The following PIK3R5 variants were observed in gnomAD, a reference collection of about 807,000 sequenced individuals.
The protein encoded by PIK3R5 is phosphoinositide-3-kinase regulatory subunit 5, also known as phosphoinositide 3-kinase regulatory subunit 5.
A neutral mutation model predicts 94.9 loss-of-function variants in PIK3R5; 32 were observed. The ratio of observed to expected loss-of-function variants is 0.34; its 90% CI spans 0.25 to 0.45. The LOEUF (loss-of-function observed/expected upper bound fraction) is 0.45. PIK3R5 is among the 20% of genes least tolerant of loss of function. PIK3R5 has a pLI of 1.00. For synonymous variants in PIK3R5, 443 were observed against 479.4 expected, an observed-to-expected ratio of 0.92 and a Z score of 0.99; for missense variants, 853 against 1,144.6, an observed-to-expected ratio of 0.75 and a Z score of 3.68.
chr17:8,895,960 C>T (rs2090143744), intron 5 of PIK3R5, among the ~76,000 whole-genome samples: 1 of 152,160 alleles, frequency 6.6e-6, no homozygotes, highest in Non-Finnish European at 1.5e-5. Flanking sequence ...TCCTTGGCCT[C>T]TCTTGGTAAT....
chr17:8,952,120 G>A (rs144173954), intron 1 of PIK3R5, among the ~76,000 whole-genome samples: 188 of 152,328 alleles, frequency 1.2e-3, no homozygotes, highest in African/African-American at 4.4e-3. Context: ...GACACAAAAG[G>A]AACCTTGGTT....
At chr17:8,897,726 C>A (rs61759639) in intron 5 of PIK3R5, among the ~76,000 whole-genome samples, 8 of 152,038 alleles carry the variant, frequency 5.3e-5, no homozygotes, top group Non-Finnish European at 1.0e-4. Context: ...AGGTGCAACC[C>A]CCCTCACCTC....
At chr17:8,902,138 G>T (rs2151392902) in intron 5 of PIK3R5, among the ~76,000 whole-genome samples, 2 of 146,090 alleles carry the variant, frequency 1.4e-5, no homozygotes, top group African/African-American at 2.6e-5. Context: ...TGAATATTTT[G>T]GGGGGTTCTT....
At chr17:8,926,114 A>C (rs1168443225) in intron 1 of PIK3R5, among the ~76,000 whole-genome samples, 1 of 152,230 alleles carries the variant, frequency 6.6e-6, no homozygotes, top group Non-Finnish European at 1.5e-5. Context: ...GACAGGATCC[A>C]AAACAAGCAT....
chr17:8,924,160 C>A (rs1293859177), intron 1 of PIK3R5, among the ~76,000 whole-genome samples: 1 of 150,112 alleles, frequency 6.7e-6, no homozygotes, highest in Non-Finnish European at 1.5e-5. Flanking sequence ...CTCACTGCAG[C>A]CTTGACCTCC....
Position 8,911,540 on chromosome 17 carries a change from G to T in PIK3R5, c.-13-33C>A, listed in dbSNP as rs781625910. 4 of 1,441,442 alleles carry T rather than the reference G, an allele frequency of 2.8e-6. No individual in the cohort carries two copies. The highest frequency in any genetic ancestry group is 1.4e-5 in the African/African-American group (1 of 71,962). 89.3% of individuals were successfully genotyped at this position (1,441,442 alleles called of 1,614,324 possible). ...GGGGACAGACGCCGGTCAGCTTGTC[G>T]AGCTCCTTTCCCAGAGAGCACCTGG... On this transcript the variant is annotated intron_variant, in intron 1 of 18. Coordinates refer to ENST00000447110, the MANE Select transcript of PIK3R5 (RefSeq NM_001142633.3). This position sits in a 1 kb window ranked among gnomAD's most constrained non-coding sequence, Gnocchi z 5.3.
chr17:8,888,987 C>G lies in PIK3R5; in HGVS notation c.896-96G>C. 3 of 1,529,000 alleles carry G rather than the reference C, an allele frequency of 2.0e-6. No individual in the cohort carries two copies. Among genetic ancestry groups the G allele is most frequent in the Non-Finnish European group, 2.6e-6 (3 of 1,140,718 alleles). 94.7% of individuals were successfully genotyped at this position (1,529,000 alleles called of 1,614,324 possible). A position where few individuals can be genotyped will look rare whatever the true frequency, so the allele number is the denominator to read the frequency against. On this transcript the variant is annotated intron_variant, in intron 9 of 18. Coordinates refer to ENST00000447110, the MANE Select transcript of PIK3R5 (RefSeq NM_001142633.3). This position sits in a 1 kb window ranked among gnomAD's most constrained non-coding sequence, Gnocchi z 7.8. ...GGGAGACAGCAGGACTCAGGGCCAG[C>G]CCAGGACTCCTAGCACTGCCCCCTT...
At position 8,880,575 on chromosome 17, in the gene PIK3R5, G is replaced by A. The variant is rs1164183843; in HGVS notation, c.*64C>T. On this transcript the variant is annotated 3_prime_UTR_variant, in exon 19 of 19. Coordinates refer to ENST00000447110, the MANE Select transcript of PIK3R5 (RefSeq NM_001142633.3). Reference sequence around the variant, plus strand: ...ATTCAGTTCTCCACAGAGAGGGACTGTCCTGGAGGGGTGGCCGAGGAGGTT... The same window carrying A: ...ATTCAGTTCTCCACAGAGAGGGACTATCCTGGAGGGGTGGCCGAGGAGGTT... The A allele has an allele frequency of 3.0e-5, 45 of 1,477,672 alleles. No homozygotes were observed. The highest frequency in any genetic ancestry group is 3.7e-5 in the Non-Finnish European group (41 of 1,101,778). 91.5% of individuals were successfully genotyped at this position (1,477,672 alleles called of 1,614,324 possible). A position where few individuals can be genotyped will look rare whatever the true frequency, so the allele number is the denominator to read the frequency against.
chr17:8,909,145 G>A lies in PIK3R5; in HGVS notation c.133C>T (p.Gln45Ter), dbSNP rs1407207320. 1 of 1,604,168 alleles carries A rather than the reference G, an allele frequency of 6.2e-7. No individual in the cohort carries two copies. The highest frequency in any genetic ancestry group is 8.5e-7 in the Non-Finnish European group (1 of 1,174,814). ...CCCGGGTCCCTGCTGACCAGCTCCT[G>A]CAGGCTCCAGCAGTTCAGACACAGC... ...AGLCLNCWSL[Q>*]ELVSRDPGHF... The change falls in exon 3 of 19, where the codon CAG becomes TAG. Residue 45 changes from glutamine to a stop codon, truncating the protein, a stop_gained. Transcript: ENST00000447110. LOFTEE classifies it high-confidence loss of function. The surrounding 1 kb of genome is among the most constrained non-coding windows in gnomAD (Gnocchi z 4.3).
At position 8,880,168 on chromosome 17, in the gene PIK3R5, T is replaced by C. The variant is rs1567628728; in HGVS notation, c.*471A>G. On this transcript the variant is annotated 3_prime_UTR_variant, in exon 19 of 19. Transcript: ENST00000447110. ...GAGAGGTGGTCTTGAAGTAGAGAAA[T>C]GTTTCATCCACATTTCAATCACCTG... 1.3e-5 allele frequency: 2 copies of C among 153,994 alleles called. No homozygotes were observed. The highest frequency in any genetic ancestry group is 2.9e-5 in the Non-Finnish European group (2 of 69,386). 9.5% of individuals were successfully genotyped at this position (153,994 alleles called of 1,614,324 possible). A position where few individuals can be genotyped will look rare whatever the true frequency, so the allele number is the denominator to read the frequency against.
rs377518635 is a variant in PIK3R5 at position 8,904,754 on chromosome 17, G to A, written c.412+23C>T. On this transcript the variant is annotated intron_variant, in intron 5 of 18. Coordinates refer to ENST00000447110, the MANE Select transcript of PIK3R5 (RefSeq NM_001142633.3). This position sits in a 1 kb window ranked among gnomAD's most constrained non-coding sequence, Gnocchi z 5.1. ...TCTGACCTTCTGAGCCCTGTCCCCC[G>A]TGCCAGCTGCCTCAGTGCTTACCTG... is the stretch of plus-strand genomic sequence containing the variant. 43 of 1,612,624 alleles carry A rather than the reference G, an allele frequency of 2.7e-5. No homozygotes were observed. The highest frequency in any genetic ancestry group is 3.3e-4 in the Middle Eastern group (2 of 6,052).
chr17:8,912,351 T>C (rs2090545096), intron 1 of PIK3R5: 1 of 152,284 alleles, frequency 6.6e-6, no homozygotes, highest in African/African-American at 2.4e-5. Flanking sequence ...CCGACGGACT[T>C]ACACTCAAAC....
chr17:8,917,074 C>T (rs1020743971), intron 1 of PIK3R5, among the ~76,000 whole-genome samples: 2 of 152,244 alleles, frequency 1.3e-5, no homozygotes, highest in East Asian at 3.9e-4. Context: ...CTTCCTCATG[C>T]CTTCATAAGG....
At chr17:8,895,998 G>A (rs1217236294) in intron 5 of PIK3R5, among the ~76,000 whole-genome samples, 1 of 152,140 alleles carries the variant, frequency 6.6e-6, no homozygotes, top group Admixed American at 6.5e-5. Context: ...ATGGGGTGTG[G>A]GGTTTTGGGG....
rs1367523734 is a variant in PIK3R5 at position 8,888,578 on chromosome 17, A to G, written c.1209T>C (p.Pro403=). ...EDSEESSSEW[P]WRRGSQERRG... ...GGCGTTCCTGGCTGCCACGCCTCCAAGGCCACTCGGAGGAGCTCTCCTCGC... is the reference window on the plus strand; with the variant it reads ...GGCGTTCCTGGCTGCCACGCCTCCAGGGCCACTCGGAGGAGCTCTCCTCGC... Residue 403 remains proline (P), a synonymous_variant, in exon 10 of 19, where the codon CCT becomes CCC. Transcript: ENST00000447110. This position sits in a 1 kb window ranked among gnomAD's most constrained non-coding sequence, Gnocchi z 7.8. 2 of 1,612,282 alleles carry G rather than the reference A, an allele frequency of 1.2e-6. No homozygotes were observed. Among genetic ancestry groups the G allele is most frequent in the Admixed American group, 1.7e-5 (1 of 59,964 alleles).
intron 1 of PIK3R5, among the ~76,000 whole-genome samples, chr17:8,926,752 C>T (rs768722184): frequency 4.6e-5 from 7 of 152,046 alleles, no homozygotes; most frequent in Non-Finnish European, 8.8e-5. Context: ...GGTGGGGACA[C>T]GGAGCCAAAC....
At chr17:8,913,148 G>T (rs2090561180) in intron 1 of PIK3R5, among the ~76,000 whole-genome samples, 1 of 152,232 alleles carries the variant, frequency 6.6e-6, no homozygotes, top group Non-Finnish European at 1.5e-5. Context: ...GACAAGTGGG[G>T]ACCCCCCTCC....
rs2090474940 is a variant in PIK3R5 at position 8,909,402 on chromosome 17, G to A, written c.104-228C>T. On this transcript the variant is annotated intron_variant, in intron 2 of 18. Transcript: ENST00000447110. This position sits in a 1 kb window ranked among gnomAD's most constrained non-coding sequence, Gnocchi z 4.3. ...CCTCCCGGGTTCAAGCGATTCCCCT[G>A]CCTCAGCCTCCCAAGTAGCTGGGAT... 6.6e-6 allele frequency among the ~76,000 whole-genome samples: 1 copy of A among 151,974 alleles called. No homozygotes were observed. The highest frequency in any genetic ancestry group is 2.1e-4 in the South Asian group (1 of 4,822).
chr17:8,947,518 AAAC>A (rs147810079), intron 1 of PIK3R5, among the ~76,000 whole-genome samples: 6,777 of 152,154 alleles, frequency 0.045, 209 homozygotes, highest in Non-Finnish European at 0.065. Flanking sequence ...TAGTCTATTA[AAAC>A]AACAACAACA....
Sources: gnomAD v4.1 joint callset for allele counts (sites outside exome capture counted in the v4.1 genomes callset) on GRCh38, gnomAD v4.1.1 for gene constraint, Gnocchi (gnomAD v3.1) non-coding constraint, MANE v1.5 for transcripts, NCBI Gene and HGNC (gene_info 2026-07-23, HGNC 2026-07-21) for gene names.